The following LCOR variants were observed in gnomAD, a reference collection of about 807,000 sequenced individuals.
LCOR encodes the protein ligand dependent nuclear receptor corepressor.
A neutral mutation model predicts 64.4 loss-of-function variants in LCOR; 14 were observed. That is an observed-to-expected ratio of 0.22 (90% CI 0.14 to 0.34). The LOEUF is 0.34. Ranked by LOEUF, LCOR falls within the 10% of genes least tolerant of loss-of-function variation. The pLI is 1.00. For synonymous variants in LCOR, 643 were observed against 642.5 expected, an observed-to-expected ratio of 1.00 and a Z score of -0.01; for missense variants, 1,686 against 1,765.3, an observed-to-expected ratio of 0.96 and a Z score of 0.80.
At chr10:96,852,280 A>C (rs757301716) in intron 2 of LCOR, among the ~76,000 whole-genome samples, 3 of 152,062 alleles carry the variant, frequency 2.0e-5, no homozygotes, top group Non-Finnish European at 2.9e-5. Flanking sequence ...AAATTAGCCC[A>C]GTCTGGTGGC....
intron 2 of LCOR, among the ~76,000 whole-genome samples, chr10:96,838,349 T>C (rs750973694): frequency 2.0e-5 from 3 of 152,196 alleles, no homozygotes; most frequent in Non-Finnish European, 2.9e-5. Context: ...CTTGAACTCC[T>C]GGGCTCAAGT....
chr10:96,951,809 C>T (rs1196145147), intron 6 of LCOR, among the ~76,000 whole-genome samples: 1 of 152,072 alleles, frequency 6.6e-6, no homozygotes, highest in African/African-American at 2.4e-5. Context: ...GGACCTCATG[C>T]TATGTGAACT....
At chr10:96,909,015 T>C (rs1367930782) in intron 4 of LCOR, among the ~76,000 whole-genome samples, 1 of 152,162 alleles carries the variant, frequency 6.6e-6, no homozygotes, top group Non-Finnish European at 1.5e-5. Context: ...GCGCCCGGCC[T>C]TCTTCTGTCC....
chr10:96,878,710 CAT>C (rs1459434243), intron 2 of LCOR, among the ~76,000 whole-genome samples: 4 of 152,138 alleles, frequency 2.6e-5, no homozygotes, highest in Non-Finnish European at 2.9e-5. Flanking sequence ...TTGTCAGACT[CAT>C]ATTGTTCATT....
intron 4 of LCOR, among the ~76,000 whole-genome samples, chr10:96,928,760 C>T (rs901181425): frequency 1.3e-5 from 2 of 152,172 alleles, no homozygotes; most frequent in Non-Finnish European, 2.9e-5. Context: ...CAGCTATAAC[C>T]TTGCGAAATG....
At chr10:96,882,114 C>T (rs1846272222) in intron 2 of LCOR, among the ~76,000 whole-genome samples, 1 of 152,064 alleles carries the variant, frequency 6.6e-6, no homozygotes, top group Non-Finnish European at 1.5e-5. Context: ...CTAATAACCT[C>T]TTAACATGTT....
chr10:96,945,862 T>C (rs1345383492), intron 5 of LCOR, among the ~76,000 whole-genome samples: 2 of 152,074 alleles, frequency 1.3e-5, no homozygotes, highest in Non-Finnish European at 2.9e-5. Flanking sequence ...CTGTCGTACT[T>C]TTCTGCTAGT....
At position 96,927,335 on chromosome 10, in the gene LCOR, GA is replaced by G. The variant is rs1564628390; in HGVS notation, c.-183-16774del. On this transcript the variant is annotated intron_variant, in intron 4 of 7. Transcript: ENST00000421806. The stretch of plus-strand genomic sequence containing the variant: ...TTGTTTGAATCTTTTACCAATTTTA[GA>G]AAACATTATTATAAGTTATAATAAT... 2.0e-5 allele frequency among the ~76,000 whole-genome samples: 3 copies of G among 151,632 alleles called. No individual in the cohort carries two copies. In the South Asian group the frequency reaches 6.2e-4, roughly 32 times the overall value.
Position 96,899,353 on chromosome 10 carries a change from C to T in LCOR, c.-329-7912C>T, listed in dbSNP as rs796507667. On this transcript the variant is annotated intron_variant, in intron 2 of 7. Transcript: ENST00000421806. ...CGGCAGGGCATATTTTTAAACATAACCCCTGTATCCCCACACTGCTGAGCT... is the reference window on the plus strand; with the variant it reads ...CGGCAGGGCATATTTTTAAACATAATCCCTGTATCCCCACACTGCTGAGCT... Among the ~76,000 whole-genome samples the T allele has an allele frequency of 1.5e-4, 23 of 152,134 alleles. No homozygotes were observed. The South Asian group carries it at 4.8e-3, about 32-fold the overall frequency.
chr10:96,960,093 G>T (rs534601122), intron 7 of LCOR: 2 of 152,262 alleles, frequency 1.3e-5, no homozygotes, highest in Non-Finnish European at 2.9e-5. Context: ...GTTTTGGAGA[G>T]AACTCTAAAT....
chr10:96,893,465 A>G (rs1298374216), intron 2 of LCOR, among the ~76,000 whole-genome samples: 1 of 152,200 alleles, frequency 6.6e-6, no homozygotes, highest in Non-Finnish European at 1.5e-5. Context: ...TGTGAAGAAG[A>G]CAAATTGTCC....
chr10:96,882,973 T>C (rs1846287182), intron 2 of LCOR, among the ~76,000 whole-genome samples: 1 of 152,194 alleles, frequency 6.6e-6, no homozygotes, highest in South Asian at 2.1e-4. Flanking sequence ...CTACCAGGCA[T>C]CTTAGTTGCT....
chr10:96,846,159 A>G (rs1845625757), intron 2 of LCOR, among the ~76,000 whole-genome samples: 1 of 152,122 alleles, frequency 6.6e-6, no homozygotes, highest in Non-Finnish European at 1.5e-5. Context: ...GTGAGCCGAG[A>G]TTGCACCACT....
At chr10:96,937,196 G>T (rs1403695581) in intron 4 of LCOR, among the ~76,000 whole-genome samples, 1 of 152,166 alleles carries the variant, frequency 6.6e-6, no homozygotes, top group Non-Finnish European at 1.5e-5. Flanking sequence ...GATGGAGACA[G>T]AGATTGGAGT....
At chr10:96,850,265 C>A (rs1278450124) in intron 2 of LCOR, among the ~76,000 whole-genome samples, 1 of 152,048 alleles carries the variant, frequency 6.6e-6, no homozygotes. Context: ...GCGGAAAGAT[C>A]AAGGCCGGGC....
chr10:96,948,512 T>C (rs1847624165), intron 5 of LCOR, among the ~76,000 whole-genome samples: 1 of 152,222 alleles, frequency 6.6e-6, no homozygotes. Context: ...TAGCCTAAAA[T>C]GGATCTTAAA....
At chr10:96,857,614 C>T (rs58376960) in intron 2 of LCOR, among the ~76,000 whole-genome samples, 20,988 of 152,136 alleles carry the variant, frequency 0.14, 1,971 homozygotes, top group African/African-American at 0.26. Context: ...TATTCCACAG[C>T]ATCCTCCCTT....
intron 2 of LCOR, among the ~76,000 whole-genome samples, chr10:96,847,477 A>T (rs931701291): frequency 2.0e-5 from 3 of 151,760 alleles, no homozygotes; most frequent in Admixed American, 2.0e-4. Context: ...TTTGCTCTTA[A>T]TGTTGCCCAG....
At chr10:96,833,167 G>A in intron 1 of LCOR, 1 of 983,882 alleles carries the variant, frequency 1.0e-6, no homozygotes, top group Non-Finnish European at 1.2e-6. Context: ...GAGGGGGTGG[G>A]ACCGGGTCCG....
Sources: gnomAD v4.1 joint callset for allele counts (sites outside exome capture counted in the v4.1 genomes callset) on GRCh38, gnomAD v4.1.1 for gene constraint, MANE v1.5 for transcripts, NCBI Gene and HGNC (gene_info 2026-07-23, HGNC 2026-07-21) for gene names.